Variants in FBP1 observed in about 807,000 individuals in gnomAD.
The protein encoded by FBP1 is fructose-1,6-bisphosphatase 1.
In FBP1, 22 loss-of-function variants were observed where a neutral mutation model predicts 29.9. The ratio of observed to expected loss-of-function variants is 0.74; its 90% CI spans 0.53 to 1.05. The LOEUF (loss-of-function observed/expected upper bound fraction) is 1.05, where lower values mean the gene tolerates loss of function less well. Ranked by LOEUF, FBP1 falls within the 50% of genes least tolerant of loss-of-function variation. The probability of loss-of-function intolerance (pLI) is 0.00; values close to 1 mark genes in which losing one functional copy is unlikely to be tolerated. For missense variants in FBP1, 345 were observed against 448.2 expected (o/e 0.77, Z 2.08); for synonymous variants, 175 against 178.6 (o/e 0.98, Z 0.16).
chr9:94,615,716 C>T (rs570870764), intron 3 of FBP1, among the ~76,000 whole-genome samples: 1 of 152,190 alleles, frequency 6.6e-6, no homozygotes, highest in African/African-American at 2.4e-5. Context: ...GTTCCAATGA[C>T]CAAAGATAAC....
chr9:94,605,726 C>A, intron 5 of FBP1, 150 bp from the exon 6 acceptor site: 3 of 762,504 alleles, frequency 3.9e-6, no homozygotes, highest in Non-Finnish European at 6.5e-6. Context: ...TGATGAGAAT[C>A]CTGTTCCCAA....
At chr9:94,633,954 AC>A (rs919184683) in intron 1 of FBP1, among the ~76,000 whole-genome samples, 1 of 149,622 alleles carries the variant, frequency 6.7e-6, no homozygotes, top group Non-Finnish European at 1.5e-5. Context: ...GATCCGCCCG[AC>A]TCGGCCTCCC....
intron 3 of FBP1, among the ~76,000 whole-genome samples, chr9:94,610,469 G>C (rs868171861): frequency 1.3e-5 from 2 of 152,194 alleles, no homozygotes; most frequent in Admixed American, 6.5e-5. Context: ...GCCAGTCTGC[G>C]GAGGAAATCA....
At position 94,639,415 on chromosome 9, in the gene FBP1, C is replaced by T; in HGVS notation, c.-105G>A. 2 of 1,352,696 alleles carry T rather than the reference C, an allele frequency of 1.5e-6. No homozygotes were observed. Among genetic ancestry groups the T allele is most frequent in the Non-Finnish European group, 2.1e-6 (2 of 971,022 alleles). The allele number at this position is 1,352,696 out of a possible 1,614,324, so 83.8% of individuals were successfully genotyped here. ...GTAGGCACTGGCCGCAGGTGCGGAGCTGCAGGTGCGGGCGGCAGGTGCGGG... is the reference window on the plus strand; with the variant it reads ...GTAGGCACTGGCCGCAGGTGCGGAGTTGCAGGTGCGGGCGGCAGGTGCGGG... On this transcript the variant is annotated 5_prime_UTR_variant, in exon 1 of 7. Coordinates refer to ENST00000375326, the MANE Select transcript of FBP1 (RefSeq NM_000507.4).
At chr9:94,609,816 G>A in intron 4 of FBP1, 105 bp downstream of exon 4, 2 of 1,258,352 alleles carry the variant, frequency 1.6e-6, no homozygotes, top group Non-Finnish European at 2.3e-6. Context: ...GTCCCTCCAT[G>A]GGCATCACCT....
upstream of FBP1, chr9:94,639,566 C>T: frequency 8.7e-6 from 5 of 574,944 alleles, no homozygotes; most frequent in East Asian, 3.0e-5. Flanking sequence ...CGCGGGTCGG[C>T]CCCCCGCCCC....
chr9:94,629,957 T>G (rs1279692635), intron 1 of FBP1, among the ~76,000 whole-genome samples: 2 of 152,150 alleles, frequency 1.3e-5, no homozygotes, highest in East Asian at 3.9e-4. Context: ...ACCTGGGACA[T>G]TCGAAATTAG....
Position 94,613,920 on chromosome 9 carries a change from A to G in FBP1, c.426+3848T>C, listed in dbSNP as rs142033064. Among the ~76,000 whole-genome samples the G allele has an allele frequency of 5.8e-3, 875 of 150,888 alleles. 35 individuals carry two copies. The East Asian group carries it at 0.11, about 19-fold the overall frequency. On this transcript the variant is annotated intron_variant, in intron 3 of 6. Coordinates refer to ENST00000375326, the MANE Select transcript of FBP1 (RefSeq NM_000507.4). ...CGGTGAAACCCCGTCTCTACTAAAA[A>G]TACAAAAAAAATTAGCCAAGCGTGG...
intron 1 of FBP1, among the ~76,000 whole-genome samples, chr9:94,626,828 G>A (rs1401648781): frequency 3.3e-5 from 5 of 152,246 alleles, no homozygotes; most frequent in South Asian, 2.1e-4. Flanking sequence ...TAAGGCAGGC[G>A]GATTACCTGA....
At chr9:94,626,674 C>T (rs988165212) in intron 1 of FBP1, among the ~76,000 whole-genome samples, 1 of 152,164 alleles carries the variant, frequency 6.6e-6, no homozygotes, top group Non-Finnish European at 1.5e-5. Flanking sequence ...GGAAAAATTC[C>T]TCAGAAACAA....
chr9:94,619,874 CAAA>C (rs56722632), intron 2 of FBP1, among the ~76,000 whole-genome samples: 9 of 99,168 alleles, frequency 9.1e-5, no homozygotes, highest in African/African-American at 5.1e-4. Flanking sequence ...AACACTGTCT[CAAA>C]AAAAAAAAAA....
At chr9:94,607,877 G>A (rs1016186651) in intron 4 of FBP1, among the ~76,000 whole-genome samples, 4 of 152,042 alleles carry the variant, frequency 2.6e-5, no homozygotes, top group African/African-American at 9.7e-5. Flanking sequence ...AGAAAGGGAG[G>A]GGAGAATTCA....
At chr9:94,610,775 A>C (rs952430893) in intron 3 of FBP1, among the ~76,000 whole-genome samples, 4 of 152,226 alleles carry the variant, frequency 2.6e-5, no homozygotes, top group Non-Finnish European at 4.4e-5. Flanking sequence ...CCACTGGGTC[A>C]TGTGGTCCAG....
chr9:94,632,050 C>A (rs549999735), intron 1 of FBP1, among the ~76,000 whole-genome samples: 1 of 152,286 alleles, frequency 6.6e-6, no homozygotes, highest in African/African-American at 2.4e-5. Context: ...TAAAATAAAT[C>A]TGGTAAAGTT....
In FBP1 at chr9:94,635,310, GTC is replaced by G. The variant is rs1828176220; in HGVS notation, c.170+3829_170+3830del. Among the ~76,000 whole-genome samples the G allele has an allele frequency of 4.6e-5, 7 of 152,200 alleles. No homozygotes were observed. In the South Asian group the frequency reaches 1.4e-3, roughly 31 times the overall value. ...AGGTGATAGACTAGCTGACTGTTGA[GTC>G]TCTTTCAGTCTAAAACTCAATGATT... On this transcript the variant is annotated intron_variant, in intron 1 of 6. Transcript: ENST00000375326.
rs754490596 is a variant in FBP1, at chr9:94,610,042, G to A, written c.446C>T (p.Ser149Phe). Reference sequence around the variant, plus strand: ...GCCTGGTTGCAGAGCATCCTTCTCAGAAGGCTCATCAGTTGATTTCTAGAG... The same window carrying A: ...GCCTGGTTGCAGAGCATCCTTCTCAAAAGGCTCATCAGTTGATTTCTAGAG... ...IYRKKSTDEP[S>F]EKDALQPGRN... The change falls in exon 4 of 7, where the codon TCT (serine) becomes TTT (phenylalanine). Residue 149 changes from serine (S) to phenylalanine (F), a missense_variant. By Grantham distance (155) the Ser-to-Phe change is radical. Coordinates refer to ENST00000375326, the MANE Select transcript of FBP1 (RefSeq NM_000507.4). 6.2e-7 allele frequency: 1 copy of A among 1,614,128 alleles called. No homozygotes were observed. Among genetic ancestry groups the A allele is most frequent in the South Asian group, 1.1e-5 (1 of 91,074 alleles).
chr9:94,630,470 G>C (rs1828086485), intron 1 of FBP1, among the ~76,000 whole-genome samples: 1 of 152,182 alleles, frequency 6.6e-6, no homozygotes, highest in African/African-American at 2.4e-5. Flanking sequence ...CCCCAGGCTG[G>C]CACTCTACAC....
chr9:94,614,165 G>A (rs1201909830), intron 3 of FBP1, among the ~76,000 whole-genome samples: 1 of 133,932 alleles, frequency 7.5e-6, no homozygotes, highest in African/African-American at 2.7e-5. Context: ...GAAGGCAGAG[G>A]AGGAAGGGGG....
chr9:94,629,518 C>A (rs755685813), intron 1 of FBP1, among the ~76,000 whole-genome samples: 9 of 152,148 alleles, frequency 5.9e-5, no homozygotes, highest in Non-Finnish European at 8.8e-5. Context: ...ATTAAAGCAA[C>A]AAGGAAGGAT....
Sources: gnomAD v4.1 joint callset for allele counts (sites outside exome capture counted in the v4.1 genomes callset) on GRCh38, gnomAD v4.1.1 for gene constraint, MANE v1.5 for transcripts, NCBI Gene and HGNC (gene_info 2026-07-23, HGNC 2026-07-21) for gene names.